KAZN: variants seen among roughly 807,000 people sequenced by gnomAD.
KAZN encodes the protein kazrin.
A neutral mutation model predicts 87.4 loss-of-function variants in KAZN; 40 were observed. That is an observed-to-expected ratio of 0.46 (90% CI 0.36 to 0.60). The LOEUF is 0.60. Among genes scored for constraint, KAZN ranks in the 20% least tolerant of loss-of-function variants. KAZN has a pLI of 0.00. For synonymous variants in KAZN, 466 were observed against 458.3 expected (o/e 1.02, Z -0.22); for missense variants, 898 against 1,073.9 (o/e 0.84, Z 2.29).
intron 3 of KAZN, among the ~76,000 whole-genome samples, chr1:15,042,203 C>T (rs1214646486): frequency 6.6e-6 from 1 of 152,178 alleles, no homozygotes; most frequent in African/African-American, 2.4e-5. Context: ...CCTCCTAATT[C>T]AGGGACATTT....
At chr1:15,085,319 C>T (rs1640199107) in intron 8 of KAZN, among the ~76,000 whole-genome samples, 1 of 152,046 alleles carries the variant, frequency 6.6e-6, no homozygotes, top group Admixed American at 6.6e-5. Context: ...CACATTTTAC[C>T]TCTGCCATTA....
chr1:14,831,823 C>T (rs971231431), intron 1 of KAZN, among the ~76,000 whole-genome samples: 3 of 152,094 alleles, frequency 2.0e-5, no homozygotes, highest in Admixed American at 6.5e-5. Flanking sequence ...CTGGACGCCT[C>T]CTCTGAAATC....
chr1:14,419,802 C>T (rs1346597574), intron 2 of KAZN, among the ~76,000 whole-genome samples: 1 of 152,010 alleles, frequency 6.6e-6, no homozygotes, highest in African/African-American at 2.4e-5. Flanking sequence ...TTCATTCCTC[C>T]CGGTGGGTTC....
At chr1:14,539,776 C>T (rs1045762268) in intron 2 of KAZN, among the ~76,000 whole-genome samples, 3 of 151,616 alleles carry the variant, frequency 2.0e-5, no homozygotes, top group African/African-American at 4.8e-5. Flanking sequence ...CTGTTATCTC[C>T]AAGAATTAGT....
chr1:14,092,865 G>A (rs764278526), intron 1 of KAZN, among the ~76,000 whole-genome samples: 1 of 152,114 alleles, frequency 6.6e-6, no homozygotes, highest in South Asian at 2.1e-4. Context: ...TGCTATTAAA[G>A]TTAATAAAGA....
chr1:14,044,818 G>C (rs899440397), intron 1 of KAZN, among the ~76,000 whole-genome samples: 9 of 152,170 alleles, frequency 5.9e-5, no homozygotes, highest in African/African-American at 2.2e-4. Context: ...TGAATCTGTT[G>C]TACCTTTAGT....
intron 2 of KAZN, among the ~76,000 whole-genome samples, chr1:14,991,073 C>CCG (rs1201689461): frequency 1.3e-5 from 2 of 151,868 alleles, no homozygotes; most frequent in Non-Finnish European, 2.9e-5. Flanking sequence ...CAACCCTTGG[C>CCG]CGGGCGCAGA....
intron 2 of KAZN, among the ~76,000 whole-genome samples, chr1:15,008,699 G>T (rs1669279008): frequency 1.3e-5 from 2 of 152,156 alleles, no homozygotes; most frequent in Non-Finnish European, 2.9e-5. Context: ...TGTCCCGTCT[G>T]CCTTCCAAGT....
intron 2 of KAZN, among the ~76,000 whole-genome samples, chr1:14,571,887 G>A (rs2148546219): frequency 6.6e-6 from 1 of 152,326 alleles, no homozygotes; most frequent in South Asian, 2.1e-4. Context: ...CTGACAGTGA[G>A]GGCAATGTAA....
chr1:13,991,613 T>G (rs1639286821), intron 1 of KAZN, among the ~76,000 whole-genome samples: 1 of 152,186 alleles, frequency 6.6e-6, no homozygotes, highest in East Asian at 1.9e-4. Context: ...CATTGGAAGT[T>G]TATGTAATTT....
intron 2 of KAZN, among the ~76,000 whole-genome samples, chr1:14,535,454 T>C (rs1672442544): frequency 1.3e-5 from 2 of 152,148 alleles, no homozygotes; most frequent in South Asian, 4.2e-4. Context: ...GATCACAAGG[T>C]CAGGAGATTG....
chr1:14,435,899 T>C (rs1475984164), intron 2 of KAZN, among the ~76,000 whole-genome samples: 2 of 152,172 alleles, frequency 1.3e-5, no homozygotes, highest in African/African-American at 2.4e-5. Context: ...CCTAACGATA[T>C]GGGTGACTCT....
rs1314770222 is a variant in KAZN, at chr1:14,587,681, T to C, written c.250-11302T>C. Among the ~76,000 whole-genome samples, 4 of 151,626 alleles carry C rather than the reference T, an allele frequency of 2.6e-5. No individual in the cohort carries two copies. The East Asian group carries it at 7.8e-4, about 30-fold the overall frequency. ...CCAGATCTCGTGTGAACTAACTGAG[T>C]GAGAACTCACTCATCACCAAGGGTT... On this transcript the variant is annotated intron_variant, in intron 2 of 16. Transcript: ENST00000636203.
chr1:14,196,937 C>G (rs1646537812), intron 2 of KAZN, among the ~76,000 whole-genome samples: 1 of 151,968 alleles, frequency 6.6e-6, no homozygotes, highest in Non-Finnish European at 1.5e-5. Flanking sequence ...CTGAAGAAAG[C>G]ATATTAAGAA....
At chr1:15,043,612 T>C (rs931317938) in intron 3 of KAZN, among the ~76,000 whole-genome samples, 14 of 149,606 alleles carry the variant, frequency 9.4e-5, no homozygotes, top group African/African-American at 3.5e-4. Context: ...CCTGGCCACA[T>C]GTCATGGGGC....
At position 14,191,677 on chromosome 1, in the gene KAZN, A is replaced by G. The variant is rs578235609; in HGVS notation, c.249+11085A>G. 6.0e-4 allele frequency among the ~76,000 whole-genome samples: 91 copies of G among 152,212 alleles called. 1 individual carries two copies. The highest frequency in any genetic ancestry group is 2.1e-3 in the African/African-American group (86 of 41,538). The stretch of plus-strand genomic sequence containing the variant: ...CAGCAAACCCTCTAATTTAACTAGA[A>G]AGGACTTTTTAAGAGAGATTTTGGT... On this transcript the variant is annotated intron_variant, in intron 2 of 16. Coordinates refer to the KAZN transcript ENST00000636203.
At chr1:14,419,097 A>G (rs1044258036) in intron 2 of KAZN, among the ~76,000 whole-genome samples, 1 of 152,222 alleles carries the variant, frequency 6.6e-6, no homozygotes, top group African/African-American at 2.4e-5. Context: ...TTTCAATAGA[A>G]AAAGTTTATC....
intron 2 of KAZN, among the ~76,000 whole-genome samples, chr1:14,483,371 T>C (rs1241139198): frequency 6.6e-6 from 1 of 152,058 alleles, no homozygotes; most frequent in East Asian, 1.9e-4. Context: ...TTACCGAAAG[T>C]GAGGGACTTA....
intron 2 of KAZN, among the ~76,000 whole-genome samples, chr1:14,258,390 A>ATTTTTTTTTTTTTTTT (rs760768355): frequency 8.0e-6 from 1 of 125,530 alleles, no homozygotes; most frequent in East Asian, 2.3e-4. Context: ...TAAATTTTGT[A>ATTTTTTTTTTTTTTTT]TTTTTTTTTT....
Sources: gnomAD v4.1 joint callset for allele counts (sites outside exome capture counted in the v4.1 genomes callset) on GRCh38, gnomAD v4.1.1 for gene constraint, MANE v1.5 for transcripts, NCBI Gene and HGNC (gene_info 2026-07-23, HGNC 2026-07-21) for gene names.